The following VASH2 variants were observed in gnomAD, a reference collection of about 807,000 sequenced individuals.
VASH2 encodes the protein tubulinyl-Tyr carboxypeptidase 2.
A neutral mutation model predicts 37.2 loss-of-function variants in VASH2; 28 were observed. The observed-to-expected ratio is 0.75, with a 90% CI of 0.56 to 1.03. VASH2 has a LOEUF of 1.03. Ranked by LOEUF, VASH2 falls within the 50% of genes least tolerant of loss-of-function variation. The pLI is 0.00. For synonymous variants in VASH2, 188 were observed against 174.7 expected, an observed-to-expected ratio of 1.08 and a Z score of -0.60; for missense variants, 419 against 459.1, an observed-to-expected ratio of 0.91 and a Z score of 0.80.
chr1:212,954,130 C>G (rs1666410904), intron 2 of VASH2, among the ~76,000 whole-genome samples: 1 of 152,200 alleles, frequency 6.6e-6, no homozygotes, highest in Non-Finnish European at 1.5e-5. Context: ...CCAGACTGGT[C>G]TCAAACTTCT....
chr1:212,975,729 G>A (rs893238592), intron 7 of VASH2, among the ~76,000 whole-genome samples: 1 of 152,254 alleles, frequency 6.6e-6, no homozygotes, highest in Non-Finnish European at 1.5e-5. Flanking sequence ...AACTGATTTT[G>A]TCTGATTTAT....
intron 3 of VASH2, among the ~76,000 whole-genome samples, chr1:212,964,182 C>A (rs1019705774): frequency 1.7e-4 from 26 of 152,224 alleles, no homozygotes; most frequent in African/African-American, 6.3e-4. Context: ...GGCCTGAAAT[C>A]AGACTCTCCA....
intron 3 of VASH2, among the ~76,000 whole-genome samples, chr1:212,964,717 A>G (rs1666785435): frequency 6.8e-6 from 1 of 146,346 alleles, no homozygotes; most frequent in African/African-American, 2.4e-5. Context: ...CCTGCTACAG[A>G]GTCTATGCGC....
At chr1:212,984,581 G>A (rs1667424920) in intron 7 of VASH2, among the ~76,000 whole-genome samples, 2 of 152,144 alleles carry the variant, frequency 1.3e-5, no homozygotes, top group Admixed American at 1.3e-4. Context: ...TTATATGAAG[G>A]GCAGCATATT....
chr1:212,988,719 T>G lies in VASH2; in HGVS notation c.*135T>G. 1.0e-6 allele frequency: 1 copy of G among 954,418 alleles called. No individual in the cohort carries two copies. The highest frequency in any genetic ancestry group is 1.5e-5 in the South Asian group (1 of 67,256). The allele number at this position is 954,418 out of a possible 1,614,324, so 59.1% of individuals were successfully genotyped here. A position where few individuals can be genotyped will look rare whatever the true frequency, so the allele number is the denominator to read the frequency against. ...TTTAAGGATTCACCTGGAAATAGAA[T>G]CTGAGTGGGTGGTAACCATTAGCTT... On this transcript the variant is annotated 3_prime_UTR_variant, in exon 8 of 8. Coordinates refer to ENST00000517399, the MANE Select transcript of VASH2 (RefSeq NM_001301056.2).
chr1:212,953,252 G>T lies in VASH2; in HGVS notation c.276+1434G>T, dbSNP rs11804705. On this transcript the variant is annotated intron_variant, in intron 2 of 7. Coordinates refer to ENST00000517399, the MANE Select transcript of VASH2 (RefSeq NM_001301056.2). ...GCGCGGGGGGGGGTGCATTCTCTATGTGGGAATCATGGAATTTTGCTGTTT... is the reference window on the plus strand; with the variant it reads ...GCGCGGGGGGGGGTGCATTCTCTATTTGGGAATCATGGAATTTTGCTGTTT... Among the ~76,000 whole-genome samples, 725 of 151,700 alleles carry T rather than the reference G, an allele frequency of 4.8e-3. 3 individuals are homozygous for T. Among genetic ancestry groups the T allele is most frequent in the African/African-American group, 0.016 (677 of 41,194 alleles).
chr1:212,954,211 C>A (rs1335696810), intron 2 of VASH2, among the ~76,000 whole-genome samples: 1 of 152,178 alleles, frequency 6.6e-6, no homozygotes, highest in African/African-American at 2.4e-5. Context: ...CCGCATCTGG[C>A]CTTTTGCCCT....
At chr1:212,956,231 T>G (rs1666485066) in intron 2 of VASH2, among the ~76,000 whole-genome samples, 1 of 152,058 alleles carries the variant, frequency 6.6e-6, no homozygotes, top group Non-Finnish European at 1.5e-5. Context: ...AAGAACAGAG[T>G]GGAAGAGAGG....
intron 6 of VASH2, chr1:212,973,480 T>G (rs1281024767): frequency 7.7e-7 from 1 of 1,290,778 alleles, no homozygotes; most frequent in African/African-American, 1.5e-5. Context: ...TGGCTATGTT[T>G]AGCACTTGTG....
At position 212,961,233 on chromosome 1, in the gene VASH2, AGAATTACAT is replaced by A; in HGVS notation, c.348_356del (p.Asn116_Met118del). 6.2e-7 allele frequency: 1 copy of A among 1,614,244 alleles called. No homozygotes were observed. The highest frequency in any genetic ancestry group is 8.5e-7 in the Non-Finnish European group (1 of 1,180,040). On this transcript the variant is annotated inframe_deletion, in exon 3 of 8. Transcript: ENST00000517399. ...ATCCCAGACTGGCTCCAGGCGATCC[AGAATTACAT>A]GAAGACCCTACAGTATCCTTCCAAC...
intron 7 of VASH2, among the ~76,000 whole-genome samples, chr1:212,979,856 G>A (rs1206679777): frequency 2.0e-5 from 3 of 152,138 alleles, no homozygotes; most frequent in African/African-American, 7.2e-5. Flanking sequence ...AAAGGGAGAG[G>A]GAGGTTGAGA....
In VASH2 at chr1:212,977,467, G is replaced by GATTAAT. The variant is rs1398779778; in HGVS notation, c.995+3398_995+3403dup. 4.6e-5 allele frequency among the ~76,000 whole-genome samples: 7 copies of GATTAAT among 151,244 alleles called. No homozygotes were observed. The East Asian group carries it at 1.4e-3, about 30-fold the overall frequency. On this transcript the variant is annotated intron_variant, in intron 7 of 7. Coordinates refer to ENST00000517399, the MANE Select transcript of VASH2 (RefSeq NM_001301056.2). ...AGAAATGAGTGTTCAAGAGCAAAGG[G>GATTAAT]ATTAATGGAGGAAGATATATGAGCA...
chr1:212,979,471 T>C (rs1486419466), intron 7 of VASH2, among the ~76,000 whole-genome samples: 2 of 152,130 alleles, frequency 1.3e-5, no homozygotes. Context: ...AAAATTACCA[T>C]AACAGGCGAG....
chr1:212,957,941 A>G (rs917743781), intron 2 of VASH2, among the ~76,000 whole-genome samples: 2 of 152,174 alleles, frequency 1.3e-5, no homozygotes, highest in Admixed American at 6.5e-5. Context: ...CCAAGCCCCA[A>G]GTTGCCTACT....
chr1:212,982,205 C>T (rs1317897575), intron 7 of VASH2, among the ~76,000 whole-genome samples: 1 of 152,176 alleles, frequency 6.6e-6, no homozygotes, highest in Non-Finnish European at 1.5e-5. Flanking sequence ...ACTCTGAGTC[C>T]ATTTACGTCA....
In VASH2 at chr1:212,951,560, C is replaced by T; in HGVS notation, c.18C>T (p.Ala6=). The T allele has an allele frequency of 1.3e-6, 2 of 1,528,464 alleles. No homozygotes were observed. The highest frequency in any genetic ancestry group is 2.5e-5 in the East Asian group (1 of 40,634). The allele number at this position is 1,528,464 out of a possible 1,614,324, so 94.7% of individuals were successfully genotyped here. A position where few individuals can be genotyped will look rare whatever the true frequency, so the allele number is the denominator to read the frequency against. ...GCCCCACCATGACCGGCTCCGCGGC[C>T]GACACTCACCGCTGCCCCCACCCCA... MTGSA[A]DTHRCPHPKG... is the part of the protein sequence containing the mutation. Residue 6 remains alanine, a synonymous_variant, in exon 2 of 8, where the codon GCC becomes GCT. Coordinates refer to ENST00000517399, the MANE Select transcript of VASH2 (RefSeq NM_001301056.2). The surrounding 1 kb of genome is among the most constrained non-coding windows in gnomAD (Gnocchi z 4.4).
chr1:212,969,163 C>T, intron 5 of VASH2: 1 of 985,038 alleles, frequency 1.0e-6, no homozygotes, highest in Non-Finnish European at 1.2e-6. Context: ...CTCTTGCACA[C>T]AGACAGGAAA....
intron 3 of VASH2, among the ~76,000 whole-genome samples, chr1:212,964,550 C>A (rs1666779118): frequency 6.6e-6 from 1 of 152,216 alleles, no homozygotes; most frequent in Non-Finnish European, 1.5e-5. Context: ...CTCTCCATCT[C>A]CTTCAGAACA....
intron 7 of VASH2, among the ~76,000 whole-genome samples, chr1:212,981,730 A>G (rs1173240105): frequency 1.3e-5 from 2 of 152,178 alleles, no homozygotes; most frequent in Non-Finnish European, 2.9e-5. Flanking sequence ...GTACCCAGAC[A>G]TGGCCCTCAG....
Sources: allele counts gnomAD v4.1 joint callset (sites outside exome capture counted in the v4.1 genomes callset), GRCh38; gene constraint gnomAD v4.1.1; non-coding constraint Gnocchi (gnomAD v3.1); transcripts MANE v1.5; gene names NCBI Gene and HGNC (gene_info 2026-07-23, HGNC 2026-07-21).